Variants in CERS3 observed in about 807,000 individuals in gnomAD.
The protein encoded by CERS3 is LAG1 homolog, ceramide synthase 3.
In CERS3, 33 loss-of-function variants were observed where a neutral mutation model predicts 50.3. The observed-to-expected ratio is 0.66, with a 90% CI of 0.50 to 0.88. The LOEUF is 0.88. Ranked by LOEUF, CERS3 falls within the 40% of genes least tolerant of loss-of-function variation. The pLI, the probability that CERS3 is intolerant of heterozygous loss-of-function variation, is 0.00. For synonymous variants in CERS3, 176 were observed against 155.2 expected (o/e 1.13, Z -0.99); for missense variants, 470 against 460.3 (o/e 1.02, Z -0.19).
At chr15:100,481,880 T>C (rs1321660876) in intron 5 of CERS3, among the ~76,000 whole-genome samples, 2 of 152,252 alleles carry the variant, frequency 1.3e-5, no homozygotes, top group Non-Finnish European at 2.9e-5. Context: ...AGAATATTAC[T>C]AACACATTAT....
At chr15:100,433,609 C>A (rs183895116) in intron 11 of CERS3, among the ~76,000 whole-genome samples, 85 of 152,316 alleles carry the variant, frequency 5.6e-4, no homozygotes, top group African/African-American at 2.0e-3. Flanking sequence ...GTTGCACCCA[C>A]ATCAGAGTTC....
chr15:100,463,350 G>A (rs1379984486), intron 10 of CERS3, among the ~76,000 whole-genome samples: 4 of 144,062 alleles, frequency 2.8e-5, no homozygotes, highest in African/African-American at 5.2e-5. Context: ...CAGGAGAATC[G>A]CTTGAACCCG....
intron 2 of CERS3, among the ~76,000 whole-genome samples, chr15:100,506,530 A>G (rs1219238195): frequency 1.4e-5 from 2 of 138,034 alleles, no homozygotes; most frequent in Non-Finnish European, 3.1e-5. Context: ...TGCCACTGCC[A>G]TGGAAAACAG....
At chr15:100,433,657 C>A (rs2033249434) in intron 11 of CERS3, among the ~76,000 whole-genome samples, 1 of 152,220 alleles carries the variant, frequency 6.6e-6, no homozygotes, top group African/African-American at 2.4e-5. Context: ...CCCTCACTCC[C>A]TCACAGGTGT....
intron 1 of CERS3, among the ~76,000 whole-genome samples, chr15:100,527,443 T>G (rs185588912): frequency 5.3e-5 from 8 of 152,338 alleles, no homozygotes; most frequent in African/African-American, 1.9e-4. Flanking sequence ...GGTGATAGAT[T>G]GATTGATTGA....
At chr15:100,467,842 T>TAGATAGATAGATAGATAG (rs1374645090) in intron 10 of CERS3, among the ~76,000 whole-genome samples, 1 of 40,098 alleles carries the variant, frequency 2.5e-5, no homozygotes, top group African/African-American at 6.4e-5. Flanking sequence ...TACGTGTATA[T>TAGATAGATAGATAGATAG]ATATATATAT....
chr15:100,501,782 G>A lies in CERS3; in HGVS notation c.68C>T (p.Ser23Leu). Residue 23 changes from serine (S) to leucine (L), a missense_variant, in exon 3 of 12, where the codon TCA becomes TTA. Physicochemically the swap from Ser to Leu is moderately radical, Grantham distance 145 (BLOSUM62 -2). Transcript: ENST00000679737. ...RFWLPPTIKW[S>L]DLEDHDGLVF... Reference sequence around the variant, plus strand: ...GAGTCCATCGTGATCCTCAAGATCTGACCACTTTATTGTTGGAGGAAGCCA... The same window carrying A: ...GAGTCCATCGTGATCCTCAAGATCTAACCACTTTATTGTTGGAGGAAGCCA... The A allele has an allele frequency of 1.2e-6, 2 of 1,614,054 alleles. No homozygotes were observed. The highest frequency in any genetic ancestry group is 3.3e-5 in the Admixed American group (2 of 60,024).
chr15:100,533,724 A>AT (rs777257765), upstream of CERS3, among the ~76,000 whole-genome samples: 3 of 151,636 alleles, frequency 2.0e-5, no homozygotes, highest in African/African-American at 4.8e-5. Flanking sequence ...CCCCCAGCTA[A>AT]TTTTTTTGTG....
rs1344381308 is a variant in CERS3 at position 100,511,532 on chromosome 15, C to A, written c.-1-9682G>T. On this transcript the variant is annotated intron_variant, in intron 2 of 11. Transcript: ENST00000679737. Reference sequence around the variant, plus strand: ...CATTGGGAGCCTGGGTTTCCATTAACAGTCTGTTACATGCCCTGGAGAGGA... The same window carrying A: ...CATTGGGAGCCTGGGTTTCCATTAAAAGTCTGTTACATGCCCTGGAGAGGA... Among the ~76,000 whole-genome samples the A allele has an allele frequency of 1.5e-5, 2 of 134,836 alleles. 1 individual carries two copies. Among genetic ancestry groups the A allele is most frequent in the African/African-American group, 5.6e-5 (2 of 35,510 alleles). The allele number at this position is 134,836 out of a possible 152,430, so 88.5% of individuals were successfully genotyped here.
intron 11 of CERS3, among the ~76,000 whole-genome samples, chr15:100,440,024 A>C (rs1596663074): frequency 6.6e-6 from 1 of 151,764 alleles, no homozygotes; most frequent in Non-Finnish European, 1.5e-5. Context: ...TCCAAGCTTC[A>C]CTCCCCCAGA....
intron 6 of CERS3, 130 bp downstream of exon 6, chr15:100,479,859 T>C (rs1567649318): frequency 8.7e-6 from 6 of 691,892 alleles, no homozygotes; most frequent in Non-Finnish European, 1.5e-5. Context: ...TTGAGACAAA[T>C]GTTGAATCTT....
At chr15:100,487,657 G>A (rs966753600) in intron 4 of CERS3, among the ~76,000 whole-genome samples, 3 of 152,156 alleles carry the variant, frequency 2.0e-5, no homozygotes, top group African/African-American at 4.8e-5. Context: ...GTGCTGAATG[G>A]GGCCAAGAGA....
At chr15:100,440,984 C>T (rs1250319747) in intron 11 of CERS3, among the ~76,000 whole-genome samples, 8 of 152,172 alleles carry the variant, frequency 5.3e-5, no homozygotes, top group East Asian at 3.9e-4. Flanking sequence ...ATTGCAGGGA[C>T]GCCTCTCTGA....
At chr15:100,403,764 C>G (rs140311189) in intron 11 of CERS3, among the ~76,000 whole-genome samples, 2 of 152,272 alleles carry the variant, frequency 1.3e-5, no homozygotes, top group East Asian at 3.9e-4. Context: ...ACCTGAAAAA[C>G]AGCAGCACTA....
chr15:100,435,086 AG>A (rs1192847484), intron 11 of CERS3, among the ~76,000 whole-genome samples: 3 of 152,236 alleles, frequency 2.0e-5, no homozygotes, highest in Non-Finnish European at 2.9e-5. Context: ...CCGTGCTCTC[AG>A]GAAGCAGCTC....
intron 11 of CERS3, among the ~76,000 whole-genome samples, chr15:100,430,787 A>G (rs2033089350): frequency 6.6e-6 from 1 of 152,192 alleles, no homozygotes; most frequent in Non-Finnish European, 1.5e-5. Context: ...ATAGGTTCTA[A>G]TTATCCAAGT....
intron 2 of CERS3, among the ~76,000 whole-genome samples, chr15:100,505,738 T>C (rs2036157401): frequency 6.6e-6 from 1 of 152,246 alleles, no homozygotes; most frequent in African/African-American, 2.4e-5. Flanking sequence ...CTGGGTGTGA[T>C]GGCTCACACC....
intron 1 of CERS3, among the ~76,000 whole-genome samples, chr15:100,527,115 G>A (rs1285193436): frequency 2.0e-5 from 3 of 151,938 alleles, no homozygotes; most frequent in South Asian, 2.1e-4. Flanking sequence ...CCAACATGGC[G>A]AAACCCCCAT....
intron 11 of CERS3, among the ~76,000 whole-genome samples, chr15:100,403,573 A>G (rs2030730039): frequency 6.6e-6 from 1 of 152,216 alleles, no homozygotes; most frequent in African/African-American, 2.4e-5. Flanking sequence ...GACTATAGAT[A>G]CTGCAGACAA....
Sources: allele counts gnomAD v4.1 joint callset (sites outside exome capture counted in the v4.1 genomes callset), GRCh38; gene constraint gnomAD v4.1.1; transcripts MANE v1.5; gene names NCBI Gene and HGNC (gene_info 2026-07-23, HGNC 2026-07-21).